The following NUDT3 variants were observed in gnomAD, a reference collection of about 807,000 sequenced individuals.
NUDT3 encodes nudix hydrolase 3.
NUDT3 carries 9 observed loss-of-function variants against 23.6 expected under a neutral mutation model. The ratio of observed to expected loss-of-function variants is 0.38; its 90% CI spans 0.23 to 0.66. NUDT3 has a LOEUF of 0.66. NUDT3 is among the 30% of genes least tolerant of loss of function. The pLI, the probability that NUDT3 is intolerant of heterozygous loss-of-function variation, is 0.52. For synonymous variants in NUDT3, 86 were observed against 82.6 expected (o/e 1.04, Z -0.22); for missense variants, 172 against 218.5 (o/e 0.79, Z 1.34).
In NUDT3 at chr6:34,380,666, T is replaced by C. The variant is rs545097028; in HGVS notation, c.99+11598A>G. Among the ~76,000 whole-genome samples, 7 of 152,338 alleles carry C rather than the reference T, an allele frequency of 4.6e-5. No homozygotes were observed. In the East Asian group the frequency reaches 1.2e-3, roughly 25 times the overall value. On this transcript the variant is annotated intron_variant, in intron 1 of 4. Coordinates refer to ENST00000607016, the MANE Select transcript of NUDT3 (RefSeq NM_006703.4). Reference sequence around the variant, plus strand: ...TGTTGAGATCTTTGTTTTCATGTCCTTGGGGATGAGAAAAAGGGTCATCAC... The same window carrying C: ...TGTTGAGATCTTTGTTTTCATGTCCCTGGGGATGAGAAAAAGGGTCATCAC...
intron 2 of NUDT3, among the ~76,000 whole-genome samples, chr6:34,317,017 A>T (rs569448372): frequency 2.6e-5 from 4 of 152,156 alleles, no homozygotes; most frequent in Admixed American, 6.5e-5. Flanking sequence ...AAGTGGCTGA[A>T]ATCTAGACAC....
chr6:34,376,050 G>A (rs535880803), intron 1 of NUDT3, among the ~76,000 whole-genome samples: 1 of 152,158 alleles, frequency 6.6e-6, no homozygotes, highest in South Asian at 2.1e-4. Context: ...TGTATCTATA[G>A]TCCTAACTTC....
chr6:34,382,044 G>A (rs957999551), intron 1 of NUDT3, among the ~76,000 whole-genome samples: 1 of 129,648 alleles, frequency 7.7e-6, no homozygotes, highest in African/African-American at 3.0e-5. Context: ...CTGCACTCCA[G>A]CCTGAGCGAC....
intron 2 of NUDT3, among the ~76,000 whole-genome samples, chr6:34,315,094 T>C (rs1437017082): frequency 1.3e-5 from 2 of 152,230 alleles, no homozygotes; most frequent in Non-Finnish European, 2.9e-5. Context: ...TTGCAGTTAC[T>C]ACAGGGGTAT....
At chr6:34,385,029 C>CAAA (rs55719137) in intron 1 of NUDT3, among the ~76,000 whole-genome samples, 1 of 110,808 alleles carries the variant, frequency 9.0e-6, no homozygotes, top group Non-Finnish European at 2.1e-5. Context: ...ACCCTGCCTC[C>CAAA]AAAAAAAAAA....
At chr6:34,308,521 A>G (rs559728526) in intron 2 of NUDT3, among the ~76,000 whole-genome samples, 153 of 152,224 alleles carry the variant, frequency 1.0e-3, no homozygotes, top group South Asian at 2.3e-3. Flanking sequence ...GAGTCATCCA[A>G]TATGTTTAAT....
At chr6:34,322,329 C>T (rs1319256176) in intron 2 of NUDT3, among the ~76,000 whole-genome samples, 1 of 151,886 alleles carries the variant, frequency 6.6e-6, no homozygotes, top group African/African-American at 2.4e-5. Context: ...CTCCCGGGTT[C>T]ACGCCATTCT....
rs1024355564 is a variant in NUDT3, at chr6:34,392,577, G to A, written c.-215C>T. The A allele has an allele frequency of 8.7e-6, 3 of 345,064 alleles. No homozygotes were observed. The highest frequency in any genetic ancestry group is 9.9e-5 in the Admixed American group (2 of 20,220). 21.4% of individuals were successfully genotyped at this position (345,064 alleles called of 1,614,324 possible). ...CGCCGCTGCCACCGTCACGGCTGCCGTCTCCGCTGCCGCCAGGGCCGCCGC... is the reference window on the plus strand; with the variant it reads ...CGCCGCTGCCACCGTCACGGCTGCCATCTCCGCTGCCGCCAGGGCCGCCGC... On this transcript the variant is annotated 5_prime_UTR_variant, in exon 1 of 5. In the 5' UTR this introduces an upstream ATG that the reference lacks. Coordinates refer to ENST00000607016, the MANE Select transcript of NUDT3 (RefSeq NM_006703.4).
intron 1 of NUDT3, among the ~76,000 whole-genome samples, chr6:34,357,538 T>G (rs1037732330): frequency 5.3e-5 from 8 of 150,512 alleles, no homozygotes; most frequent in African/African-American, 1.5e-4. Flanking sequence ...CGCCTGAGCC[T>G]GGGAGGCTGA....
intron 2 of NUDT3, among the ~76,000 whole-genome samples, chr6:34,332,061 T>G (rs1561909659): frequency 6.6e-6 from 1 of 152,012 alleles, no homozygotes; most frequent in Non-Finnish European, 1.5e-5. Context: ...AAATTTTTTG[T>G]TTTTTGTAGT....
chr6:34,291,511 AATT>A (rs1763422017), intron 4 of NUDT3, among the ~76,000 whole-genome samples: 2 of 151,560 alleles, frequency 1.3e-5, no homozygotes, highest in South Asian at 4.2e-4. Flanking sequence ...CATTGACAAA[AATT>A]TTTTTTTTTG....
In NUDT3 at chr6:34,392,156, G is replaced by A. The variant is rs577521335; in HGVS notation, c.99+108C>T. 99 of 735,964 alleles carry A rather than the reference G, an allele frequency of 1.3e-4. 1 individual carries two copies. The highest frequency in any genetic ancestry group is 4.0e-4 in the Admixed American group (12 of 30,340). 45.6% of individuals were successfully genotyped at this position (735,964 alleles called of 1,614,324 possible). Reference sequence around the variant, plus strand: ...ATTCCATCGGAACTTCATTCCGCCCGAGCGGGGCGGCCCTGGCACACCCTC... The same window carrying A: ...ATTCCATCGGAACTTCATTCCGCCCAAGCGGGGCGGCCCTGGCACACCCTC... On this transcript the variant is annotated intron_variant, in intron 1 of 4. Coordinates refer to ENST00000607016, the MANE Select transcript of NUDT3 (RefSeq NM_006703.4).
chr6:34,305,147 T>C (rs1020656782), intron 2 of NUDT3, among the ~76,000 whole-genome samples: 1 of 151,906 alleles, frequency 6.6e-6, no homozygotes, highest in Non-Finnish European at 1.5e-5. Context: ...CATGCCTGGC[T>C]AATTTTTTAA....
intron 1 of NUDT3, among the ~76,000 whole-genome samples, chr6:34,365,366 T>C (rs973726472): frequency 6.6e-6 from 1 of 151,988 alleles, no homozygotes; most frequent in Non-Finnish European, 1.5e-5. Flanking sequence ...GAGGCAGAGG[T>C]TGCAGTGAAC....
At chr6:34,378,586 G>A (rs1764963737) in intron 1 of NUDT3, among the ~76,000 whole-genome samples, 1 of 152,168 alleles carries the variant, frequency 6.6e-6, no homozygotes, top group Non-Finnish European at 1.5e-5. Context: ...TTAGAAGATA[G>A]GCCCACACTA....
At chr6:34,325,774 G>A (rs1764018263) in intron 2 of NUDT3, among the ~76,000 whole-genome samples, 1 of 152,104 alleles carries the variant, frequency 6.6e-6, no homozygotes, top group African/African-American at 2.4e-5. Flanking sequence ...GTGACCAAAG[G>A]AGATAAAAAT....
chr6:34,300,557 C>G (rs1468413571), intron 2 of NUDT3, among the ~76,000 whole-genome samples: 1 of 152,246 alleles, frequency 6.6e-6, no homozygotes, highest in African/African-American at 2.4e-5. Context: ...GATAAAAAGA[C>G]TGCACAAAAA....
At chr6:34,358,258 TACACACACACACAC>T (rs71538235) in intron 1 of NUDT3, among the ~76,000 whole-genome samples, 1 of 144,692 alleles carries the variant, frequency 6.9e-6, no homozygotes, top group Non-Finnish European at 1.5e-5. Context: ...ATGAGTAGTT[TACACACACACACAC>T]ACACACACAC....
At chr6:34,389,483 C>A (rs539083031) in intron 1 of NUDT3, among the ~76,000 whole-genome samples, 2 of 152,052 alleles carry the variant, frequency 1.3e-5, no homozygotes, top group Non-Finnish European at 2.9e-5. Context: ...GACTAATACA[C>A]CCTGTCTCTA....
Sources: gnomAD v4.1 joint callset for allele counts (sites outside exome capture counted in the v4.1 genomes callset) on GRCh38, gnomAD v4.1.1 for gene constraint, MANE v1.5 for transcripts, NCBI Gene and HGNC (gene_info 2026-07-23, HGNC 2026-07-21) for gene names.